BACH2: variants seen among roughly 807,000 people sequenced by gnomAD.
BACH2 encodes BACH transcriptional regulator 2, also known as transcription regulator protein BACH2.
In BACH2, 5 loss-of-function variants were observed where a neutral mutation model predicts 61.8. The observed-to-expected ratio is 0.08, with a 90% confidence interval of 0.04 to 0.17. BACH2 has a LOEUF of 0.17. Ranked by LOEUF, BACH2 falls within the 10% of genes least tolerant of loss-of-function variation. BACH2 has a pLI of 1.00. For synonymous variants in BACH2, 446 were observed against 440.1 expected, an observed-to-expected ratio of 1.01 and a Z score of -0.17; for missense variants, 824 against 1,091.1, an observed-to-expected ratio of 0.76 and a Z score of 3.45.
At chr6:90,164,377 T>A (rs1256841931) in intron 4 of BACH2, among the ~76,000 whole-genome samples, 2 of 152,032 alleles carry the variant, frequency 1.3e-5, no homozygotes, top group Admixed American at 6.6e-5. Context: ...AAGTTGAATC[T>A]CTGAATAGAC....
intron 6 of BACH2, among the ~76,000 whole-genome samples, chr6:89,972,851 C>G (rs1333337237): frequency 6.6e-6 from 1 of 152,082 alleles, no homozygotes; most frequent in Non-Finnish European, 1.5e-5. Context: ...AGCACCTTGG[C>G]AGGGTGAGGT....
chr6:90,033,220 G>T (rs1025128136), intron 5 of BACH2, among the ~76,000 whole-genome samples: 1 of 150,486 alleles, frequency 6.6e-6, no homozygotes, highest in Non-Finnish European at 1.5e-5. Context: ...GGAGGAGGGA[G>T]GGGGGAGGAA....
intron 7 of BACH2, among the ~76,000 whole-genome samples, chr6:89,945,612 T>C: frequency 6.6e-6 from 1 of 152,200 alleles, no homozygotes; most frequent in Non-Finnish European, 1.5e-5. Context: ...TGAAAATGTT[T>C]TAGAATTACA....
intron 4 of BACH2, among the ~76,000 whole-genome samples, chr6:90,092,291 A>AAAAAAAAATATATATATATATAT: frequency 1.8e-5 from 2 of 113,818 alleles, no homozygotes; most frequent in East Asian, 4.8e-4. Context: ...AAAAAAAAAA[A>AAAAAAAAATATATATATATATAT]ATATATATAT....
chr6:90,085,921 T>G (rs1017506776), intron 5 of BACH2, among the ~76,000 whole-genome samples: 3 of 152,170 alleles, frequency 2.0e-5, no homozygotes, highest in Admixed American at 6.5e-5. Context: ...GTCATCATCA[T>G]TCATCTCCGG....
chr6:89,932,383 C>G lies in BACH2; in HGVS notation c.*25G>C, dbSNP rs771225359. 4.4e-6 allele frequency: 7 copies of G among 1,597,310 alleles called. No individual in the cohort carries two copies. Among genetic ancestry groups the G allele is most frequent in the Non-Finnish European group, 6.0e-6 (7 of 1,167,768 alleles). ...AGAACGCCTGGATGGGAGAGGTGTG[C>G]GGACTGGGAGGCAGAGCCGAGTCAC... is the stretch of plus-strand genomic sequence containing the variant. On this transcript the variant is annotated 3_prime_UTR_variant, in exon 9 of 9. Coordinates refer to ENST00000257749, the MANE Select transcript of BACH2 (RefSeq NM_021813.4).
intron 5 of BACH2, among the ~76,000 whole-genome samples, chr6:90,079,038 G>A (rs1383081203): frequency 1.3e-5 from 2 of 152,188 alleles, no homozygotes; most frequent in East Asian, 3.9e-4. Context: ...CAACCACTCA[G>A]TCAGTGGAAT....
rs201779230 is a variant in BACH2 at position 90,265,929 on chromosome 6, C to T, written c.-353+5920G>A. ...TATACATTATCCCATGTAACTATCT[C>T]TACAACCCTATGATGTAAGTATTAG... On this transcript the variant is annotated intron_variant, in intron 2 of 8. Transcript: ENST00000257749. Among the ~76,000 whole-genome samples, 7 of 152,210 alleles carry T rather than the reference C, an allele frequency of 4.6e-5. No individual in the cohort carries two copies. In the East Asian group the frequency reaches 9.6e-4, roughly 21 times the overall value.
rs1772636740 is a variant in BACH2, at chr6:89,931,455, C to CT, written c.*952dup. On this transcript the variant is annotated 3_prime_UTR_variant, in exon 9 of 9. Coordinates refer to ENST00000257749, the MANE Select transcript of BACH2 (RefSeq NM_021813.4). ...CTTTTTAATTAGCTAAAATGTTTTA[C>CT]TTTTTTAACTAAAAGCAAAGAATAT... 6.6e-6 allele frequency: 1 copy of CT among 152,616 alleles called. No individual in the cohort carries two copies. The highest frequency in any genetic ancestry group is 1.5e-5 in the Non-Finnish European group (1 of 68,018). The allele number at this position is 152,616 out of a possible 1,614,324, so 9.5% of individuals were successfully genotyped here.
chr6:90,243,046 ATTTTTTTTTTT>A (rs397886318), intron 3 of BACH2, among the ~76,000 whole-genome samples: 27 of 101,230 alleles, frequency 2.7e-4, no homozygotes, highest in Admixed American at 2.0e-3. Flanking sequence ...TGCCCGGCTA[ATTTTTTTTTTT>A]TTTTTTTTTT....
In BACH2 at chr6:90,140,504, CA is replaced by C. The variant is rs1784426138; in HGVS notation, c.-161-51396del. 1.3e-5 allele frequency among the ~76,000 whole-genome samples: 2 copies of C among 152,284 alleles called. 1 individual carries two copies. Among genetic ancestry groups the C allele is most frequent in the African/African-American group, 4.8e-5 (2 of 41,552 alleles). On this transcript the variant is annotated intron_variant, in intron 4 of 8. Coordinates refer to ENST00000257749, the MANE Select transcript of BACH2 (RefSeq NM_021813.4). Reference sequence around the variant, plus strand: ...ATAGATTTTTCCACCTCAAAAGACACAGGGATACTTTCTAATGATTTAATGT... The same window carrying C: ...ATAGATTTTTCCACCTCAAAAGACACGGGATACTTTCTAATGATTTAATGT...
rs570874938 is a variant in BACH2 at position 89,927,345 on chromosome 6, C to T, written c.*5063G>A. 12 of 152,944 alleles carry T rather than the reference C, an allele frequency of 7.8e-5. No homozygotes were observed. Among genetic ancestry groups the T allele is most frequent in the African/African-American group, 2.2e-4 (9 of 41,586 alleles). The allele number at this position is 152,944 out of a possible 1,614,324, so 9.5% of individuals were successfully genotyped here. ...TAAGGGGAGGTCATAGTTCTGCCTC[C>T]AAACATGTTTTGGTAGAAGACTGAG... is the stretch of plus-strand genomic sequence containing the variant. On this transcript the variant is annotated 3_prime_UTR_variant, in exon 9 of 9. Transcript: ENST00000257749.
chr6:90,296,151 C>T (rs1772369326), intron 1 of BACH2, among the ~76,000 whole-genome samples: 1 of 152,114 alleles, frequency 6.6e-6, no homozygotes, highest in East Asian at 1.9e-4. Flanking sequence ...ACTTATTACT[C>T]TCTGCTCCTC....
At chr6:90,170,283 T>C (rs1767767828) in intron 4 of BACH2, among the ~76,000 whole-genome samples, 1 of 152,202 alleles carries the variant, frequency 6.6e-6, no homozygotes. Flanking sequence ...AAAAGAATAA[T>C]GAGAACAGCT....
At chr6:90,102,683 G>A (rs1044095584) in intron 4 of BACH2, among the ~76,000 whole-genome samples, 1 of 151,570 alleles carries the variant, frequency 6.6e-6, no homozygotes. Flanking sequence ...CCAGCTACTC[G>A]GGAGGACGAG....
chr6:90,100,726 C>G (rs868735201), intron 4 of BACH2, among the ~76,000 whole-genome samples: 1,598 of 94,348 alleles, frequency 0.017, 25 homozygotes, highest in African/African-American at 0.063. Flanking sequence ...CACACACACA[C>G]AGACACACAC....
At chr6:90,036,040 A>G (rs1779246370) in intron 5 of BACH2, among the ~76,000 whole-genome samples, 1 of 151,932 alleles carries the variant, frequency 6.6e-6, no homozygotes, top group African/African-American at 2.4e-5. Context: ...GGGTAGAGGA[A>G]GAACCATTCT....
chr6:89,989,248 G>A (rs994388027), intron 6 of BACH2, among the ~76,000 whole-genome samples: 17 of 152,278 alleles, frequency 1.1e-4, no homozygotes, highest in Non-Finnish European at 1.9e-4. Flanking sequence ...CAAATCTCCA[G>A]AACCTTTTCA....
At chr6:90,222,112 C>G (rs1417582878) in intron 3 of BACH2, among the ~76,000 whole-genome samples, 1 of 152,128 alleles carries the variant, frequency 6.6e-6, no homozygotes, top group African/African-American at 2.4e-5. Context: ...TTTGTTCATA[C>G]TGAGTCTTTG....
Sources: allele counts gnomAD v4.1 joint callset (sites outside exome capture counted in the v4.1 genomes callset), GRCh38; gene constraint gnomAD v4.1.1; transcripts MANE v1.5; gene names NCBI Gene and HGNC (gene_info 2026-07-23, HGNC 2026-07-21).